The following ZNF705A variants were observed in gnomAD, a reference collection of about 807,000 sequenced individuals.
ZNF705A encodes the protein zinc finger protein 705A.
Under a neutral mutation model 16.6 loss-of-function variants are expected in ZNF705A, and 8 were observed. The observed-to-expected ratio is 0.48, with a 90% CI of 0.28 to 0.87. ZNF705A has a LOEUF of 0.87. Ranked by LOEUF, ZNF705A falls within the 40% of genes least tolerant of loss-of-function variation. ZNF705A has a pLI of 0.10. For missense variants in ZNF705A, 233 were observed against 359.9 expected (o/e 0.65, Z 2.85); for synonymous variants, 73 against 117.3 (o/e 0.62, Z 2.44).
At chr12:8,169,392 C>G (rs1270818214), upstream of ZNF705A, among the ~76,000 whole-genome samples, 1 of 152,130 alleles carries the variant, frequency 6.6e-6, no homozygotes, top group Non-Finnish European at 1.5e-5. Context: ...TGTAATCTGA[C>G]TTGCAATCCC....
intron 2 of ZNF705A, among the ~76,000 whole-genome samples, chr12:8,174,723 C>A (rs1948471821): frequency 6.6e-6 from 1 of 152,074 alleles, no homozygotes; most frequent in African/African-American, 2.4e-5. Flanking sequence ...TCATAACAGA[C>A]CTGGGAACTT....
upstream of ZNF705A, among the ~76,000 whole-genome samples, chr12:8,170,187 C>A (rs987366338): frequency 9.3e-6 from 1 of 107,756 alleles, no homozygotes; most frequent in East Asian, 2.3e-4. Flanking sequence ...GAAACTCTCC[C>A]CCCCCCCCCA....
intron 1 of ZNF705A, among the ~76,000 whole-genome samples, chr12:8,165,450 ATTTTTTTTTT>A (rs57581482): frequency 1.2e-5 from 1 of 81,948 alleles, no homozygotes; most frequent in African/African-American, 4.6e-5. Context: ...GCCCAGCTAA[ATTTTTTTTTT>A]TTTTTTTTTT....
chr12:8,159,358 T>C (rs1044007186), intron 1 of ZNF705A, among the ~76,000 whole-genome samples: 4 of 152,216 alleles, frequency 2.6e-5, no homozygotes, highest in Non-Finnish European at 5.9e-5. Context: ...GATCAAATTA[T>C]AGTTCTACTT....
chr12:8,169,160 T>A (rs1460370344), upstream of ZNF705A, among the ~76,000 whole-genome samples: 5 of 152,232 alleles, frequency 3.3e-5, no homozygotes, highest in Admixed American at 2.0e-4. Flanking sequence ...AATGTGAGAT[T>A]TTTCCTCTCT....
At chr12:8,172,364 A>G (rs1382948739), upstream of ZNF705A, among the ~76,000 whole-genome samples, 1 of 151,888 alleles carries the variant, frequency 6.6e-6, no homozygotes, top group Non-Finnish European at 1.5e-5. Flanking sequence ...TTCCTTCTTT[A>G]TTAGCAACCA....
At chr12:8,164,847 A>G (rs1948384759) in intron 1 of ZNF705A, among the ~76,000 whole-genome samples, 1 of 152,222 alleles carries the variant, frequency 6.6e-6, no homozygotes, top group South Asian at 2.1e-4. Context: ...TTGGGTATAT[A>G]CCTAGTAATG....
chr12:8,174,205 C>T (rs1948466722), intron 1 of ZNF705A, 121 bp from the exon 3 acceptor site: 1 of 1,579,840 alleles, frequency 6.3e-7, no homozygotes, highest in East Asian at 2.2e-5. Flanking sequence ...AATGAACTGG[C>T]TGGAACCCAA....
chr12:8,159,153 T>C (rs1247331957), intron 1 of ZNF705A, among the ~76,000 whole-genome samples: 1 of 152,198 alleles, frequency 6.6e-6, no homozygotes, highest in African/African-American at 2.4e-5. Flanking sequence ...CATTCATTTT[T>C]ATGGCTGAGT....
chr12:8,174,196 A>T (rs1591625291), intron 1 of ZNF705A, 130 bp from the exon 3 acceptor site: 1 of 1,565,566 alleles, frequency 6.4e-7, no homozygotes, highest in South Asian at 1.2e-5. Flanking sequence ...AGTACTGAGA[A>T]TGAACTGGCT....
At chr12:8,157,981 A>G (rs1026994218) in intron 1 of ZNF705A, among the ~76,000 whole-genome samples, 2 of 152,092 alleles carry the variant, frequency 1.3e-5, no homozygotes, top group Non-Finnish European at 2.9e-5. Context: ...AGGAATTCTC[A>G]TTGGTTCACA....
intron 1 of ZNF705A, among the ~76,000 whole-genome samples, chr12:8,166,312 G>T (rs1310366847): frequency 6.6e-6 from 1 of 152,182 alleles, no homozygotes; most frequent in East Asian, 1.9e-4. Context: ...TCCAGGTGAA[G>T]GCTTCTGATA....
At chr12:8,158,862 G>T (rs776888256) in intron 1 of ZNF705A, among the ~76,000 whole-genome samples, 5 of 151,820 alleles carry the variant, frequency 3.3e-5, no homozygotes, top group Non-Finnish European at 7.4e-5. Flanking sequence ...GGAGTATTTG[G>T]GTACATAAGT....
intron 1 of ZNF705A, among the ~76,000 whole-genome samples, chr12:8,163,621 A>T (rs1218891531): frequency 6.6e-6 from 1 of 152,212 alleles, no homozygotes; most frequent in Admixed American, 6.5e-5. Flanking sequence ...ATATAAAATT[A>T]ATGTCTGAAC....
At chr12:8,158,674 T>C (rs1269787642) in intron 1 of ZNF705A, among the ~76,000 whole-genome samples, 2 of 152,124 alleles carry the variant, frequency 1.3e-5, no homozygotes, top group Non-Finnish European at 2.9e-5. Flanking sequence ...AATTGATGCG[T>C]CAAATGGCAA....
At position 8,165,450 on chromosome 12, in the gene ZNF705A, ATTTT is replaced by A. The variant is rs57581482; in HGVS notation, c.-71-7083_-71-7080del. ...GGCACCTGCCACCACGCCCAGCTAAATTTTTTTTTTTTTTTTTTTTTTTTTAGTG... is the reference window on the plus strand; with the variant it reads ...GGCACCTGCCACCACGCCCAGCTAAATTTTTTTTTTTTTTTTTTTTTAGTG... On this transcript the variant is annotated intron_variant, in intron 1 of 5. Transcript: ENST00000396570. 4.9e-3 allele frequency among the ~76,000 whole-genome samples: 402 copies of A among 81,948 alleles called. 1 individual carries two copies. Among genetic ancestry groups the A allele is most frequent in the African/African-American group, 0.015 (327 of 21,624 alleles). 53.8% of individuals were successfully genotyped at this position (81,948 alleles called of 152,430 possible).
exon 5 of ZNF705A, chr12:8,177,950 A>G: frequency 3.4e-6 from 1 of 290,502 alleles, no homozygotes; most frequent in South Asian, 5.0e-5. Context: ...TGATCTGAGC[A>G]TAAATGACAT....
exon 4 of ZNF705A, chr12:8,175,878 A>T (rs1424881100): frequency 6.2e-7 from 1 of 1,611,542 alleles, no homozygotes; most frequent in Admixed American, 1.7e-5. Flanking sequence ...AGTGCCCTTA[A>T]GAAAAAACAC....
intron 1 of ZNF705A, among the ~76,000 whole-genome samples, chr12:8,166,898 G>A (rs1167710674): frequency 6.6e-6 from 1 of 152,242 alleles, no homozygotes; most frequent in South Asian, 2.1e-4. Context: ...ACCAGCCAAG[G>A]TCTCTGAAAT....
Sources: allele counts gnomAD v4.1 joint callset (sites outside exome capture counted in the v4.1 genomes callset), GRCh38; gene constraint gnomAD v4.1.1; transcripts MANE v1.5; gene names NCBI Gene and HGNC (gene_info 2026-07-23, HGNC 2026-07-21).